Variants in ST18 observed in about 807,000 individuals in gnomAD.
The protein encoded by ST18 is suppression of tumorigenicity 18 protein.
A neutral mutation model predicts 110.0 loss-of-function variants in ST18; 50 were observed. That is an observed-to-expected ratio of 0.45 (90% CI 0.36 to 0.58). The LOEUF (loss-of-function observed/expected upper bound fraction) is 0.58, where lower values mean the gene tolerates loss of function less well. Ranked by LOEUF, ST18 falls within the 20% of genes least tolerant of loss-of-function variation. ST18 has a pLI of 0.00. For synonymous variants in ST18, 461 were observed against 452.4 expected, an observed-to-expected ratio of 1.02 and a Z score of -0.24; for missense variants, 1,306 against 1,280.1, an observed-to-expected ratio of 1.02 and a Z score of -0.31.
chr8:52,240,383 G>A (rs2093280201), intron 2 of ST18, among the ~76,000 whole-genome samples: 1 of 152,040 alleles, frequency 6.6e-6, no homozygotes, highest in African/African-American at 2.4e-5. Context: ...TTATTATACA[G>A]AAAATTTTGA....
chr8:52,179,980 A>G, intron 9 of ST18, 142 bp downstream of exon 9: 3 of 933,448 alleles, frequency 3.2e-6, no homozygotes, highest in Non-Finnish European at 4.8e-6. Context: ...AATGTCAAGT[A>G]AAATAAATGT....
intron 10 of ST18, among the ~76,000 whole-genome samples, chr8:52,170,679 C>T (rs1042484147): frequency 2.0e-5 from 3 of 151,962 alleles, no homozygotes; most frequent in African/African-American, 4.8e-5. Flanking sequence ...CTGCCCTGAA[C>T]CACAGGCTAG....
intron 2 of ST18, among the ~76,000 whole-genome samples, chr8:52,394,951 T>A (rs1840583524): frequency 6.6e-6 from 1 of 151,620 alleles, no homozygotes; most frequent in Admixed American, 6.5e-5. Flanking sequence ...GCAGACGCAA[T>A]GATTCAAGAC....
intron 8 of ST18, among the ~76,000 whole-genome samples, chr8:52,186,297 T>C (rs1475109360): frequency 6.6e-6 from 1 of 152,246 alleles, no homozygotes; most frequent in Non-Finnish European, 1.5e-5. Context: ...AAAGAACTTT[T>C]GGCTGATACA....
At chr8:52,347,727 A>G (rs572435938) in intron 2 of ST18, among the ~76,000 whole-genome samples, 10 of 152,336 alleles carry the variant, frequency 6.6e-5, no homozygotes, top group Admixed American at 2.0e-4. Flanking sequence ...CTCAAAGAGA[A>G]AAATGAAGAA....
chr8:52,157,009 C>T (rs992126380), intron 15 of ST18, among the ~76,000 whole-genome samples: 17 of 152,258 alleles, frequency 1.1e-4, no homozygotes, highest in South Asian at 8.3e-4. Flanking sequence ...CTGAGGCGTG[C>T]GGCGAGCTCC....
intron 15 of ST18, among the ~76,000 whole-genome samples, chr8:52,152,069 A>G (rs1172564403): frequency 6.6e-6 from 1 of 152,214 alleles, no homozygotes; most frequent in Non-Finnish European, 1.5e-5. Flanking sequence ...AATTACTCCT[A>G]ATGTTTAAAA....
intron 21 of ST18, 55 bp from the exon 22 acceptor site, chr8:52,132,234 G>T: frequency 6.9e-7 from 1 of 1,448,586 alleles, no homozygotes; most frequent in Non-Finnish European, 9.4e-7. Flanking sequence ...ATAGTCCTAT[G>T]CTCTCCAGAG....
chr8:52,178,080 A>G (rs1007416602), intron 9 of ST18, among the ~76,000 whole-genome samples: 1 of 152,204 alleles, frequency 6.6e-6, no homozygotes, highest in Non-Finnish European at 1.5e-5. Context: ...GGACATCTGG[A>G]CAATATATTC....
At chr8:52,247,792 G>C (rs933618342) in intron 2 of ST18, among the ~76,000 whole-genome samples, 1 of 152,072 alleles carries the variant, frequency 6.6e-6, no homozygotes, top group Non-Finnish European at 1.5e-5. Flanking sequence ...CACATGAAAG[G>C]CATAATGATG....
intron 15 of ST18, among the ~76,000 whole-genome samples, chr8:52,153,196 C>T (rs2059229506): frequency 6.6e-6 from 1 of 152,180 alleles, no homozygotes; most frequent in South Asian, 2.1e-4. Context: ...TAAATGTTAT[C>T]TTGTGAAAAT....
At chr8:52,217,311 C>A (rs1311052576) in intron 6 of ST18, among the ~76,000 whole-genome samples, 2 of 152,076 alleles carry the variant, frequency 1.3e-5, no homozygotes, top group East Asian at 3.9e-4. Context: ...TGAGAATGTA[C>A]TTCTCGATAG....
intron 23 of ST18, 140 bp downstream of exon 23, chr8:52,125,912 G>T: frequency 2.9e-6 from 2 of 687,064 alleles, no homozygotes; most frequent in Non-Finnish European, 4.6e-6. Context: ...TATAATTTTA[G>T]TTCAAATCTG....
At chr8:52,176,741 C>T (rs536948965) in intron 9 of ST18, among the ~76,000 whole-genome samples, 1 of 152,322 alleles carries the variant, frequency 6.6e-6, no homozygotes, top group East Asian at 1.9e-4. Context: ...GGCTGTTCTG[C>T]AAAGATACAA....
intron 2 of ST18, among the ~76,000 whole-genome samples, chr8:52,310,304 A>G (rs1269489788): frequency 6.6e-6 from 1 of 152,166 alleles, no homozygotes; most frequent in Non-Finnish European, 1.5e-5. Flanking sequence ...TGATACTAAA[A>G]CAGCAACGGT....
At chr8:52,238,094 A>T (rs1358332138) in intron 2 of ST18, among the ~76,000 whole-genome samples, 1 of 152,346 alleles carries the variant, frequency 6.6e-6, no homozygotes, top group East Asian at 1.9e-4. Context: ...AAGAAATCCA[A>T]CCTTCACATG....
chr8:52,189,254 C>T (rs2073601658), intron 8 of ST18, among the ~76,000 whole-genome samples: 2 of 152,126 alleles, frequency 1.3e-5, no homozygotes, highest in South Asian at 4.1e-4. Context: ...TAGAGGTGTA[C>T]AGACAAGCTG....
chr8:52,209,723 T>C (rs1318466026), intron 8 of ST18, among the ~76,000 whole-genome samples: 2 of 138,642 alleles, frequency 1.4e-5, no homozygotes, highest in African/African-American at 5.4e-5. Flanking sequence ...TGAACCGAGA[T>C]CGTGCCATTG....
At chr8:52,170,490 AT>A (rs1251926555) in intron 10 of ST18, among the ~76,000 whole-genome samples, 1 of 151,350 alleles carries the variant, frequency 6.6e-6, no homozygotes, top group Non-Finnish European at 1.5e-5. Flanking sequence ...AAATAAATAA[AT>A]AAATAAAAAT....
Sources: allele counts gnomAD v4.1 joint callset (sites outside exome capture counted in the v4.1 genomes callset), GRCh38; gene constraint gnomAD v4.1.1; transcripts MANE v1.5; gene names NCBI Gene and HGNC (gene_info 2026-07-23, HGNC 2026-07-21).